XPO7: variants seen among roughly 807,000 people sequenced by gnomAD.
The protein encoded by XPO7 is exportin-7.
In XPO7, 21 loss-of-function variants were observed where a neutral mutation model predicts 144.3. That is an observed-to-expected ratio of 0.15 (90% CI 0.10 to 0.21). The LOEUF (loss-of-function observed/expected upper bound fraction) is 0.21. Among genes scored for constraint, XPO7 ranks in the 10% least tolerant of loss-of-function variants. The pLI, the probability that XPO7 is intolerant of heterozygous loss-of-function variation, is 1.00. For synonymous variants in XPO7, 580 were observed against 499.6 expected (o/e 1.16, Z -2.15); for missense variants, 808 against 1,325.8 (o/e 0.61, Z 6.06).
intron 1 of XPO7, among the ~76,000 whole-genome samples, chr8:21,933,227 A>G (rs993840376): frequency 6.6e-6 from 1 of 150,486 alleles, no homozygotes; most frequent in Non-Finnish European, 1.5e-5. Flanking sequence ...CAGCCTCCTG[A>G]GTAGCTGGGA....
In XPO7 at chr8:22,003,283, G is replaced by A. The variant is rs1305653469; in HGVS notation, c.3008G>A (p.Arg1003Gln). ...EDCRNQWSMS[R>Q]PLLGLILLNE... ...TGTAGGAACCAGTGGTCTATGTCCC[G>A]ACCACTACTTGGCTTGATATTGCTT... Residue 1003 changes from arginine to glutamine, a missense_variant, in exon 26 of 28, where the codon CGA becomes CAA. By Grantham distance (43) the Arg-to-Gln change is conservative. Transcript: ENST00000252512. 6.2e-7 allele frequency: 1 copy of A among 1,612,488 alleles called. No homozygotes were observed. Among genetic ancestry groups the A allele is most frequent in the East Asian group, 2.2e-5 (1 of 44,826 alleles).
chr8:21,964,336 G>A (rs1029461512), intron 1 of XPO7: 6 of 152,032 alleles, frequency 3.9e-5, no homozygotes, highest in Admixed American at 1.3e-4. Flanking sequence ...GTGTGTAGTC[G>A]GCCACCCTTA....
intron 11 of XPO7, among the ~76,000 whole-genome samples, chr8:21,983,981 T>C (rs776916204): frequency 1.9e-4 from 29 of 152,214 alleles, no homozygotes; most frequent in Non-Finnish European, 3.8e-4. Flanking sequence ...CACAATGCCT[T>C]GTCTGCAATT....
In XPO7 at chr8:21,953,785, G is replaced by C. The variant is rs563626710; in HGVS notation, c.19-13072G>C. Among the ~76,000 whole-genome samples, 8 of 152,226 alleles carry C rather than the reference G, an allele frequency of 5.3e-5. No homozygotes were observed. The South Asian group carries it at 1.7e-3, about 32-fold the overall frequency. ...CATGATGTTAACCATCTTTTCATAT[G>C]CTTATTTGCCATCTGTGTATCTTTG... On this transcript the variant is annotated intron_variant, in intron 1 of 27. Transcript: ENST00000252512.
At chr8:21,936,663 G>C (rs1238546636) in intron 1 of XPO7, among the ~76,000 whole-genome samples, 3 of 152,190 alleles carry the variant, frequency 2.0e-5, no homozygotes, top group Non-Finnish European at 4.4e-5. Flanking sequence ...GACATTTTTG[G>C]TGTATATTAG....
chr8:21,960,179 T>G (rs1811677807), intron 1 of XPO7, among the ~76,000 whole-genome samples: 2 of 152,234 alleles, frequency 1.3e-5, no homozygotes, highest in Non-Finnish European at 2.9e-5. Context: ...TTTCAGAGCT[T>G]CTCATTTTTC....
At position 22,004,003 on chromosome 8, in the gene XPO7, G is replaced by A. The variant is rs1813241304; in HGVS notation, c.3143G>A (p.Arg1048Gln). 5.0e-6 allele frequency: 8 copies of A among 1,613,780 alleles called. No homozygotes were observed. Among genetic ancestry groups the A allele is most frequent in the Non-Finnish European group, 5.9e-6 (7 of 1,179,882 alleles). The part of the protein sequence containing the change: ...CFENLMEGIE[R>Q]NLLTKNRDRF... Reference sequence around the variant, plus strand: ...GAGAACCTGATGGAAGGCATCGAGCGAAATCTTCTTACGAAAAACAGAGAC... The same window carrying A: ...GAGAACCTGATGGAAGGCATCGAGCAAAATCTTCTTACGAAAAACAGAGAC... Residue 1048 changes from arginine (R) to glutamine (Q), a missense_variant, in exon 27 of 28, where the codon CGA becomes CAA. Physicochemically the swap from Arg to Gln is conservative, Grantham distance 43. Transcript: ENST00000252512.
At position 21,985,542 on chromosome 8, in the gene XPO7, G is replaced by A. The variant is rs781003146; in HGVS notation, c.1472-44G>A. 4 of 1,564,756 alleles carry A rather than the reference G, an allele frequency of 2.6e-6. No individual in the cohort carries two copies. In the South Asian group the frequency reaches 4.4e-5, roughly 17 times the overall value. On this transcript the variant is annotated intron_variant, in intron 12 of 27. Coordinates refer to ENST00000252512, the MANE Select transcript of XPO7 (RefSeq NM_015024.5). ...AGTTCAGAGTGAGGAATGTCTTCAA[G>A]AAACTATCACTGGAGGTGACACTGG... is the stretch of plus-strand genomic sequence containing the variant.
chr8:21,976,533 T>G lies in XPO7; in HGVS notation c.763+12T>G. The stretch of plus-strand genomic sequence containing the variant: ...CAGCTGGAGATCAGGTAACAGAACT[T>G]CCTCCACCTCAAAGGCTGTCTGTCA... On this transcript the variant is annotated intron_variant, in intron 7 of 27. Transcript: ENST00000252512. 1 of 1,606,034 alleles carries G rather than the reference T, an allele frequency of 6.2e-7. No individual in the cohort carries two copies. Among genetic ancestry groups the G allele is most frequent in the Non-Finnish European group, 8.5e-7 (1 of 1,175,512 alleles).
Position 21,949,216 on chromosome 8 carries a change from A to G in XPO7, c.19-17641A>G, listed in dbSNP as rs549475520. Reference sequence around the variant, plus strand: ...ATTATACATAAAATTGTTTATTCTCACCCTGTGAAGTTTAATTTCTGCATT... The same window carrying G: ...ATTATACATAAAATTGTTTATTCTCGCCCTGTGAAGTTTAATTTCTGCATT... On this transcript the variant is annotated intron_variant, in intron 1 of 27. Coordinates refer to ENST00000252512, the MANE Select transcript of XPO7 (RefSeq NM_015024.5). Among the ~76,000 whole-genome samples the G allele has an allele frequency of 2.0e-5, 3 of 152,346 alleles. 1 individual carries two copies. In the South Asian group the frequency reaches 6.2e-4, roughly 32 times the overall value.
chr8:21,948,901 T>C (rs1811276758), intron 1 of XPO7, among the ~76,000 whole-genome samples: 1 of 152,220 alleles, frequency 6.6e-6, no homozygotes, highest in African/African-American at 2.4e-5. Flanking sequence ...CCAAGGATCC[T>C]TTAAAAAGTC....
At chr8:21,954,431 C>A (rs774817761) in intron 1 of XPO7, among the ~76,000 whole-genome samples, 3 of 152,102 alleles carry the variant, frequency 2.0e-5, no homozygotes, top group Non-Finnish European at 4.4e-5. Flanking sequence ...GTCAGGAGTT[C>A]GTGACCAGCC....
intron 1 of XPO7, among the ~76,000 whole-genome samples, chr8:21,946,884 G>A (rs1343378037): frequency 2.0e-5 from 3 of 152,132 alleles, no homozygotes; most frequent in Admixed American, 6.5e-5. Flanking sequence ...CATCTCAACA[G>A]CAACCTGGAA....
At chr8:21,938,424 C>T (rs774008505) in intron 1 of XPO7, among the ~76,000 whole-genome samples, 3 of 152,092 alleles carry the variant, frequency 2.0e-5, no homozygotes, top group East Asian at 1.9e-4. Context: ...ACCCTATACC[C>T]GATAAGTAGT....
intron 18 of XPO7, 97 bp downstream of exon 18, chr8:21,991,016 G>A: frequency 1.8e-6 from 2 of 1,116,668 alleles, no homozygotes; most frequent in East Asian, 4.7e-5. Flanking sequence ...GGCCTTTTCT[G>A]TTTTTTCAAC....
chr8:21,933,833 A>G (rs970841778), intron 1 of XPO7, among the ~76,000 whole-genome samples: 2 of 152,202 alleles, frequency 1.3e-5, no homozygotes, highest in African/African-American at 4.8e-5. Context: ...AAGCTAGGAA[A>G]AAATCTTAGA....
chr8:21,998,282 A>T (rs932569365), intron 21 of XPO7, among the ~76,000 whole-genome samples: 1 of 152,202 alleles, frequency 6.6e-6, no homozygotes, highest in Non-Finnish European at 1.5e-5. Context: ...TCCACTAAAA[A>T]TACAAAAAAT....
At position 21,997,889 on chromosome 8, in the gene XPO7, C is replaced by T. The variant is rs187747584; in HGVS notation, c.2346-866C>T. 2.8e-3 allele frequency among the ~76,000 whole-genome samples: 425 copies of T among 152,078 alleles called. 2 individuals carry two copies. The highest frequency in any genetic ancestry group is 0.01 in the Middle Eastern group (3 of 292). ...GGACTCCTGGGCTTTTGAGGTCTTA[C>T]CAACTTGAATCTAATAAAGCTCATC... On this transcript the variant is annotated intron_variant, in intron 21 of 27. Coordinates refer to ENST00000252512, the MANE Select transcript of XPO7 (RefSeq NM_015024.5).
At chr8:21,955,370 T>C (rs1467284084) in intron 1 of XPO7, among the ~76,000 whole-genome samples, 1 of 152,238 alleles carries the variant, frequency 6.6e-6, no homozygotes, top group Non-Finnish European at 1.5e-5. Context: ...TGCACCTTTG[T>C]AGAAAAACTT....
Sources: allele counts gnomAD v4.1 joint callset (sites outside exome capture counted in the v4.1 genomes callset), GRCh38; gene constraint gnomAD v4.1.1; transcripts MANE v1.5; gene names NCBI Gene and HGNC (gene_info 2026-07-23, HGNC 2026-07-21).